The following ROBO1 variants were observed in gnomAD, a reference collection of about 807,000 sequenced individuals.
ROBO1 encodes roundabout homolog 1.
In ROBO1, 149 loss-of-function variants were observed where a neutral mutation model predicts 195.9. The ratio of observed to expected loss-of-function variants is 0.76; its 90% confidence interval spans 0.67 to 0.87. The LOEUF (loss-of-function observed/expected upper bound fraction) is 0.87, where lower values mean the gene tolerates loss of function less well. Ranked by LOEUF, ROBO1 falls within the 40% of genes least tolerant of loss-of-function variation. ROBO1 has a pLI of 0.00. For synonymous variants in ROBO1, 816 were observed against 733.2 expected (o/e 1.11, Z -1.82); for missense variants, 1,933 against 2,068.3 (o/e 0.93, Z 1.27).
intron 2 of ROBO1, among the ~76,000 whole-genome samples, chr3:79,371,466 T>C (rs936107961): frequency 2.6e-5 from 4 of 152,082 alleles, no homozygotes; most frequent in Non-Finnish European, 5.9e-5. Flanking sequence ...ACGTAGTAGA[T>C]GGAAAGTGAT....
intron 8 of ROBO1, among the ~76,000 whole-genome samples, chr3:78,713,786 G>A (rs1375607975): frequency 1.3e-5 from 2 of 152,126 alleles, no homozygotes; most frequent in Admixed American, 6.5e-5. Context: ...GGGCTCATAC[G>A]ATGCTAAATA....
intron 4 of ROBO1, among the ~76,000 whole-genome samples, chr3:78,790,845 T>TATG (rs2083997321): frequency 6.6e-6 from 1 of 152,148 alleles, no homozygotes; most frequent in Non-Finnish European, 1.5e-5. Flanking sequence ...GCTGCTGTAA[T>TATG]TCTAGGTCAC....
intron 2 of ROBO1, among the ~76,000 whole-genome samples, chr3:79,586,011 G>T (rs1334330884): frequency 6.6e-6 from 1 of 151,798 alleles, no homozygotes; most frequent in Non-Finnish European, 1.5e-5. Context: ...TAAGAAGCAC[G>T]CATGCAACAT....
intron 8 of ROBO1, among the ~76,000 whole-genome samples, chr3:78,706,845 G>A (rs577823332): frequency 2.6e-5 from 4 of 152,164 alleles, no homozygotes; most frequent in Non-Finnish European, 5.9e-5. Context: ...GACTGATTAA[G>A]AGTGAGATAT....
intron 1 of ROBO1, among the ~76,000 whole-genome samples, chr3:79,703,142 T>C (rs1295040833): frequency 1.3e-5 from 2 of 151,944 alleles, no homozygotes; most frequent in African/African-American, 4.8e-5. Flanking sequence ...TTGTGCCCTA[T>C]TAGCATATGA....
intron 1 of ROBO1, among the ~76,000 whole-genome samples, chr3:79,748,992 C>T (rs1159765781): frequency 6.6e-6 from 1 of 152,116 alleles, no homozygotes; most frequent in Non-Finnish European, 1.5e-5. Context: ...AAGTTGGAAA[C>T]AGGCAGAAGT....
At chr3:78,641,370 G>T (rs181847249) in intron 21 of ROBO1, among the ~76,000 whole-genome samples, 1 of 152,266 alleles carries the variant, frequency 6.6e-6, no homozygotes. Flanking sequence ...AGTTCCTAAA[G>T]CTCTGGAATA....
At chr3:79,728,054 CTTG>C (rs774541597) in intron 1 of ROBO1, among the ~76,000 whole-genome samples, 8 of 151,982 alleles carry the variant, frequency 5.3e-5, no homozygotes, top group African/African-American at 1.7e-4. Flanking sequence ...AAGTGCTTAT[CTTG>C]TTATGTCAGA....
chr3:79,144,176 G>A (rs1019346694), intron 2 of ROBO1, among the ~76,000 whole-genome samples: 4 of 152,032 alleles, frequency 2.6e-5, no homozygotes, highest in African/African-American at 4.8e-5. Flanking sequence ...TACAGTTTTA[G>A]TATTAAATAT....
At chr3:79,689,226 T>G (rs2107060955) in intron 1 of ROBO1, among the ~76,000 whole-genome samples, 1 of 152,132 alleles carries the variant, frequency 6.6e-6, no homozygotes, top group Middle Eastern at 3.4e-3. Context: ...TACTCACTTT[T>G]AAGTAATTTT....
At chr3:79,300,566 G>A (rs1275996769) in intron 2 of ROBO1, among the ~76,000 whole-genome samples, 6 of 152,264 alleles carry the variant, frequency 3.9e-5, no homozygotes, top group East Asian at 1.9e-4. Context: ...GCTCCATGGC[G>A]CCCAGTCCCA....
chr3:79,741,091 G>C (rs1703623266), intron 1 of ROBO1, among the ~76,000 whole-genome samples: 1 of 152,148 alleles, frequency 6.6e-6, no homozygotes, highest in Admixed American at 6.5e-5. Context: ...CTTGATATAA[G>C]AAGCTGGAAA....
chr3:79,406,430 C>CA (rs1559876062), intron 2 of ROBO1, among the ~76,000 whole-genome samples: 2 of 151,196 alleles, frequency 1.3e-5, no homozygotes, highest in South Asian at 2.1e-4. Context: ...GATTCTGTCT[C>CA]AAAAAAAGAT....
At chr3:78,951,955 A>G (rs896870008) in intron 3 of ROBO1, among the ~76,000 whole-genome samples, 1 of 151,922 alleles carries the variant, frequency 6.6e-6, no homozygotes. Flanking sequence ...AAGCATAAAC[A>G]TATGTATTAA....
chr3:79,005,759 CA>C (rs2077604425), intron 3 of ROBO1, among the ~76,000 whole-genome samples: 2 of 152,260 alleles, frequency 1.3e-5, no homozygotes, highest in African/African-American at 4.8e-5. Flanking sequence ...CAAATTATTT[CA>C]GAGATGCTTT....
intron 1 of ROBO1, among the ~76,000 whole-genome samples, chr3:79,739,185 C>T (rs1703518266): frequency 6.6e-6 from 1 of 151,992 alleles, no homozygotes; most frequent in Admixed American, 6.6e-5. Flanking sequence ...GACCATTTCC[C>T]AAAGTTTTAA....
At chr3:79,257,170 T>C (rs1297538595) in intron 2 of ROBO1, among the ~76,000 whole-genome samples, 3 of 152,174 alleles carry the variant, frequency 2.0e-5, no homozygotes, top group Admixed American at 6.5e-5. Context: ...ATTGTGTTTA[T>C]TTAAGCATAT....
chr3:78,937,922 T>G (rs989235419), intron 4 of ROBO1: 15 of 151,998 alleles, frequency 9.9e-5, no homozygotes, highest in African/African-American at 2.9e-4. Flanking sequence ...GAAGACAAAT[T>G]TTTAAATCCC....
rs139493511 is a variant in ROBO1 at position 78,801,995 on chromosome 3, C to T, written c.500-55095G>A. Reference sequence around the variant, plus strand: ...ACATTTAAAAGAGATTTTTCCCATACTGATCTTTTCCCTTAAAGAGGTCTT... The same window carrying T: ...ACATTTAAAAGAGATTTTTCCCATATTGATCTTTTCCCTTAAAGAGGTCTT... On this transcript the variant is annotated intron_variant, in intron 4 of 30. Transcript: ENST00000464233. Among the ~76,000 whole-genome samples, 436 of 152,194 alleles carry T rather than the reference C, an allele frequency of 2.9e-3. 3 individuals carry two copies. The highest frequency in any genetic ancestry group is 9.9e-3 in the African/African-American group (411 of 41,552).
Sources: allele counts gnomAD v4.1 joint callset (sites outside exome capture counted in the v4.1 genomes callset), GRCh38; gene constraint gnomAD v4.1.1; transcripts MANE v1.5; gene names NCBI Gene and HGNC (gene_info 2026-07-23, HGNC 2026-07-21).